Variants in TOM1L1 observed in about 807,000 individuals in gnomAD.
The protein encoded by TOM1L1 is TOM1-like protein 1.
TOM1L1 carries 64 observed loss-of-function variants against 63.4 expected under a neutral mutation model. The observed-to-expected ratio is 1.01, with a 90% CI of 0.83 to 1.24. The LOEUF (loss-of-function observed/expected upper bound fraction) is 1.24, where lower values mean the gene tolerates loss of function less well. TOM1L1 is among the 50% of genes most tolerant of loss of function. The pLI is 0.00. For missense variants in TOM1L1, 536 were observed against 567.0 expected (o/e 0.95, Z 0.55); for synonymous variants, 166 against 194.4 (o/e 0.85, Z 1.22).
rs2048516612 is a variant in TOM1L1 at position 54,912,736 on chromosome 17, A to C, written c.293A>C (p.Lys98Thr). The part of the protein sequence containing the change: ...QSLIVKKEFV[K>T]ENLVKLLNPR... ...CTGATTGTGAAGAAGGAATTTGTTA[A>C]AGAGAATTTAGTTAAGCTACTGAAT... Residue 98 changes from lysine (K) to threonine (T), a missense_variant, in exon 4 of 16, where the codon AAA becomes ACA. Physicochemically the swap from Lys to Thr is moderately conservative, Grantham distance 78 (BLOSUM62 -1). Coordinates refer to ENST00000575882, the MANE Select transcript of TOM1L1 (RefSeq NM_005486.3). 2 of 1,612,012 alleles carry C rather than the reference A, an allele frequency of 1.2e-6. No homozygotes were observed. Among genetic ancestry groups the C allele is most frequent in the East Asian group, 4.5e-5 (2 of 44,712 alleles).
chr17:54,930,618 T>A (rs2048843181), intron 8 of TOM1L1, among the ~76,000 whole-genome samples: 1 of 152,116 alleles, frequency 6.6e-6, no homozygotes, highest in African/African-American at 2.4e-5. Context: ...GGTGGGCAGA[T>A]CATTTGAGGT....
intron 3 of TOM1L1, among the ~76,000 whole-genome samples, chr17:54,907,679 A>G (rs2048434265): frequency 6.6e-6 from 1 of 152,146 alleles, no homozygotes; most frequent in African/African-American, 2.4e-5. Flanking sequence ...GTAGAACCGG[A>G]GTAGAAAGAT....
chr17:54,944,890 C>G (rs753857919), intron 11 of TOM1L1, among the ~76,000 whole-genome samples: 2 of 152,022 alleles, frequency 1.3e-5, no homozygotes, highest in Non-Finnish European at 2.9e-5. Context: ...TCTTTTGTTT[C>G]TTTCTCTTGG....
intron 11 of TOM1L1, among the ~76,000 whole-genome samples, chr17:54,943,604 T>C (rs972508660): frequency 6.6e-6 from 1 of 151,976 alleles, no homozygotes; most frequent in African/African-American, 2.4e-5. Context: ...CACACACACA[T>C]ATATATAAAG....
intron 14 of TOM1L1, chr17:54,952,546 C>CA (rs71159275): frequency 0.5 from 45,098 of 90,256 alleles, 10,998 homozygotes; most frequent in Middle Eastern, 0.53. Context: ...GAGACTGTCT[C>CA]AAAAAAAAAA....
At chr17:54,950,684 C>G (rs1256937537) in intron 14 of TOM1L1, among the ~76,000 whole-genome samples, 1 of 152,040 alleles carries the variant, frequency 6.6e-6, no homozygotes, top group African/African-American at 2.4e-5. Flanking sequence ...GAAGGTTACC[C>G]CCAAATTGTT....
At chr17:54,951,179 C>G (rs2049224196) in intron 14 of TOM1L1, among the ~76,000 whole-genome samples, 1 of 152,188 alleles carries the variant, frequency 6.6e-6, no homozygotes. Context: ...GCTCACAGAA[C>G]TCAGGGAAAT....
At chr17:54,914,517 C>T in intron 5 of TOM1L1, 122 bp from the exon 6 acceptor site, 1 of 714,564 alleles carries the variant, frequency 1.4e-6, no homozygotes, top group Non-Finnish European at 2.5e-6. Context: ...TGATGATTTA[C>T]TCTGGGCAGA....
At chr17:54,939,761 C>T (rs181349849) in intron 11 of TOM1L1, among the ~76,000 whole-genome samples, 47 of 152,222 alleles carry the variant, frequency 3.1e-4, no homozygotes, top group African/African-American at 9.4e-4. Flanking sequence ...TGGGGTCTCG[C>T]TTTGTTGCCC....
rs889113840 is a variant in TOM1L1 at position 54,937,420 on chromosome 17, C to T, written c.1033+194C>T. On this transcript the variant is annotated intron_variant, in intron 10 of 15. Transcript: ENST00000575882. ...AGTATAGCAATGGGATGTGTCTGGG[C>T]GAGGAGGTCCTTGAAACTCATCCTA... The T allele has an allele frequency of 2.5e-5, 14 of 556,564 alleles. No homozygotes were observed. In the Admixed American group the frequency reaches 2.8e-4, roughly 11 times the overall value. 34.5% of individuals were successfully genotyped at this position (556,564 alleles called of 1,614,324 possible). A position where few individuals can be genotyped will look rare whatever the true frequency, so the allele number is the denominator to read the frequency against.
intron 4 of TOM1L1, 63 bp downstream of exon 4, chr17:54,912,878 C>T: frequency 7.5e-7 from 1 of 1,332,876 alleles, no homozygotes; most frequent in Non-Finnish European, 9.9e-7. Flanking sequence ...AATAGCTTAC[C>T]TCCTGATTGT....
intron 5 of TOM1L1, among the ~76,000 whole-genome samples, chr17:54,914,386 A>G (rs62073561): frequency 3.4e-5 from 5 of 144,932 alleles, no homozygotes; most frequent in Non-Finnish European, 7.7e-5. Flanking sequence ...AAAAAAAAAA[A>G]GGGCATTTTA....
chr17:54,949,081 A>G lies in TOM1L1; in HGVS notation c.1183-437A>G, dbSNP rs78893765. On this transcript the variant is annotated intron_variant, in intron 12 of 15. Transcript: ENST00000575882. ...AGGGTCTCATTCAGTCACCTAGGCT[A>G]GAATATATAGCATGATCATATGATC... Among the ~76,000 whole-genome samples, 282 of 152,286 alleles carry G rather than the reference A, an allele frequency of 1.9e-3. 7 individuals are homozygous for G. The East Asian group carries it at 0.05, about 27-fold the overall frequency.
intron 3 of TOM1L1, among the ~76,000 whole-genome samples, chr17:54,907,992 G>C (rs1045964910): frequency 6.6e-6 from 1 of 152,110 alleles, no homozygotes; most frequent in African/African-American, 2.4e-5. Flanking sequence ...AGGAAGTTGG[G>C]CTATTCCAGA....
At chr17:54,951,852 T>C (rs1181526195) in intron 14 of TOM1L1, 1 of 152,124 alleles carries the variant, frequency 6.6e-6, no homozygotes, top group Non-Finnish European at 1.5e-5. Flanking sequence ...AAACCCAGGG[T>C]TCATTCACCT....
intron 11 of TOM1L1, among the ~76,000 whole-genome samples, chr17:54,946,575 A>G (rs1190035024): frequency 1.3e-5 from 2 of 152,186 alleles, no homozygotes; most frequent in African/African-American, 4.8e-5. Context: ...TTGTGAGAAA[A>G]CAGAGAGAAG....
At chr17:54,921,388 T>C (rs1468871823) in intron 7 of TOM1L1, among the ~76,000 whole-genome samples, 1 of 152,210 alleles carries the variant, frequency 6.6e-6, no homozygotes, top group East Asian at 1.9e-4. Flanking sequence ...AAATTAACCA[T>C]TATTTTAAAT....
At chr17:54,955,811 C>T (rs1026704570) in intron 14 of TOM1L1, among the ~76,000 whole-genome samples, 29 of 152,216 alleles carry the variant, frequency 1.9e-4, no homozygotes, top group Non-Finnish European at 4.0e-4. Flanking sequence ...TTTAGTAGTT[C>T]ATGGAGCTGC....
At chr17:54,931,960 G>GTTTT (rs1567832256) in intron 8 of TOM1L1, among the ~76,000 whole-genome samples, 1 of 57,764 alleles carries the variant, frequency 1.7e-5, no homozygotes, top group Non-Finnish European at 4.6e-5. Flanking sequence ...TTTTTTTTTT[G>GTTTT]TTTGTTTGTT....
Sources: allele counts gnomAD v4.1 joint callset (sites outside exome capture counted in the v4.1 genomes callset), GRCh38; gene constraint gnomAD v4.1.1; transcripts MANE v1.5; gene names NCBI Gene and HGNC (gene_info 2026-07-23, HGNC 2026-07-21).